Variants in FNBP1 observed in about 807,000 individuals in gnomAD.
FNBP1 encodes the protein formin binding protein 1, also known as formin-binding protein 1.
In FNBP1, 26 loss-of-function variants were observed where a neutral mutation model predicts 90.6. The observed-to-expected ratio is 0.29, with a 90% CI of 0.21 to 0.40. The LOEUF (loss-of-function observed/expected upper bound fraction) is 0.40, where lower values mean the gene tolerates loss of function less well. Among genes scored for constraint, FNBP1 ranks in the 10% least tolerant of loss-of-function variants. FNBP1 has a pLI of 1.00. For synonymous variants in FNBP1, 260 were observed against 265.2 expected, an observed-to-expected ratio of 0.98 and a Z score of 0.19; for missense variants, 635 against 768.0, an observed-to-expected ratio of 0.83 and a Z score of 2.05.
At chr9:129,987,153 G>T (rs576465712) in intron 2 of FNBP1, among the ~76,000 whole-genome samples, 70 of 152,232 alleles carry the variant, frequency 4.6e-4, no homozygotes, top group Non-Finnish European at 8.4e-4. Flanking sequence ...GAGAGAGAAA[G>T]TGTGACCAGA....
chr9:129,948,115 C>G (rs1399470457), intron 6 of FNBP1, among the ~76,000 whole-genome samples: 1 of 151,672 alleles, frequency 6.6e-6, no homozygotes, highest in Admixed American at 6.6e-5. Flanking sequence ...CATAGGGAGA[C>G]CCCGTCTCTA....
intron 11 of FNBP1, among the ~76,000 whole-genome samples, chr9:129,910,830 CACTG>C (rs1439336133): frequency 7.3e-6 from 1 of 136,654 alleles, no homozygotes; most frequent in African/African-American, 2.7e-5. Flanking sequence ...CCATCAGACA[CACTG>C]ACTGACTCTC....
intron 4 of FNBP1, among the ~76,000 whole-genome samples, chr9:129,959,584 G>A (rs1157023954): frequency 1.3e-4 from 19 of 151,830 alleles, no homozygotes; most frequent in South Asian, 2.1e-4. Context: ...AGCAAGACTC[G>A]GTCTCAAAAA....
intron 4 of FNBP1, among the ~76,000 whole-genome samples, chr9:129,959,741 C>A (rs2047511152): frequency 6.6e-6 from 1 of 152,058 alleles, no homozygotes; most frequent in Admixed American, 6.6e-5. Flanking sequence ...CTAAGCAATT[C>A]ACAAAACTGT....
At chr9:129,992,502 C>T (rs2053329937) in intron 2 of FNBP1, among the ~76,000 whole-genome samples, 1 of 151,582 alleles carries the variant, frequency 6.6e-6, no homozygotes, top group Admixed American at 6.6e-5. Context: ...ACCTGTAATC[C>T]CAGCTTGCTG....
rs1445570881 is a variant in FNBP1, at chr9:129,890,567, G to T, written c.1847-21C>A. 2 of 1,566,182 alleles carry T rather than the reference G, an allele frequency of 1.3e-6. No homozygotes were observed. Among genetic ancestry groups the T allele is most frequent in the Non-Finnish European group, 1.7e-6 (2 of 1,155,038 alleles). ...GGAATCTACAACACAAAGAGAAACA[G>T]AAAGAGAAACTCTCTGTTAGAGAGG... On this transcript the variant is annotated intron_variant, in intron 16 of 16. Transcript: ENST00000446176. This position sits in a 1 kb window ranked among gnomAD's most constrained non-coding sequence, Gnocchi z 5.8.
At position 129,915,902 on chromosome 9, in the gene FNBP1, T is replaced by G. The variant is rs2040180533; in HGVS notation, c.1185+64A>C. ...AAGATACGTTGTGCATGGCATAGCA[T>G]TCATAAAAGACACGCCAGAAAACCT... On this transcript the variant is annotated intron_variant, in intron 11 of 16. Transcript: ENST00000446176. 2.5e-6 allele frequency: 3 copies of G among 1,186,982 alleles called. No homozygotes were observed. The Admixed American group carries it at 5.4e-5, about 21-fold the overall frequency. The allele number at this position is 1,186,982 out of a possible 1,614,324, so 73.5% of individuals were successfully genotyped here.
intron 4 of FNBP1, among the ~76,000 whole-genome samples, chr9:129,970,019 G>A (rs2049203565): frequency 6.7e-6 from 1 of 150,062 alleles, no homozygotes; most frequent in Non-Finnish European, 1.5e-5. Flanking sequence ...CTCCTGAGTA[G>A]CTGGGACTAC....
intron 1 of FNBP1, among the ~76,000 whole-genome samples, chr9:130,035,643 C>A (rs989146804): frequency 6.6e-6 from 1 of 152,108 alleles, no homozygotes; most frequent in Non-Finnish European, 1.5e-5. Flanking sequence ...AACAATCATT[C>A]GAGACTTTAA....
intron 4 of FNBP1, among the ~76,000 whole-genome samples, chr9:129,970,368 G>A (rs1476042999): frequency 6.6e-6 from 1 of 151,878 alleles, no homozygotes; most frequent in Non-Finnish European, 1.5e-5. Context: ...ACCAAGCCCA[G>A]CTAATTTTTG....
intron 6 of FNBP1, among the ~76,000 whole-genome samples, chr9:129,950,721 A>G (rs2046025730): frequency 6.6e-6 from 1 of 152,190 alleles, no homozygotes; most frequent in East Asian, 1.9e-4. Flanking sequence ...CATAGATTAA[A>G]GATCCACGAA....
At position 129,887,795 on chromosome 9, in the gene FNBP1, C is replaced by CACA. The variant is rs2034838797; in HGVS notation, c.*2741_*2743dup. The CACA allele has an allele frequency of 4.4e-6, 1 of 229,538 alleles. No homozygotes were observed. Among genetic ancestry groups the CACA allele is most frequent in the African/African-American group, 2.2e-5 (1 of 45,100 alleles). The allele number at this position is 229,538 out of a possible 1,614,324, so 14.2% of individuals were successfully genotyped here. On this transcript the variant is annotated 3_prime_UTR_variant, in exon 17 of 17. Transcript: ENST00000446176. ...TCTTTTAAAATTAGTCATCTTACAA[C>CACA]ACAACAGTATTCTAGCACGGTGGCG...
chr9:129,972,854 T>C, intron 4 of FNBP1, among the ~76,000 whole-genome samples: 1 of 152,176 alleles, frequency 6.6e-6, no homozygotes, highest in East Asian at 1.9e-4. Flanking sequence ...AGCTCTGGGA[T>C]GGAAATGAGA....
chr9:129,892,920 C>G (rs2131165994), intron 16 of FNBP1, among the ~76,000 whole-genome samples: 1 of 149,148 alleles, frequency 6.7e-6, no homozygotes, highest in South Asian at 2.2e-4. Flanking sequence ...CTGAAACCAA[C>G]TGAGCTATTT....
intron 3 of FNBP1, 35 bp from the exon 4 acceptor site, chr9:129,978,647 C>T: frequency 6.2e-7 from 1 of 1,600,814 alleles, no homozygotes; most frequent in South Asian, 1.1e-5. Context: ...CTGTTTCACA[C>T]AAGGCCACAT....
chr9:130,005,045 A>G (rs889474767), intron 1 of FNBP1, among the ~76,000 whole-genome samples: 3 of 133,690 alleles, frequency 2.2e-5, no homozygotes, highest in Non-Finnish European at 3.2e-5. Flanking sequence ...CAGCCTGGTG[A>G]CAGAGCAAGA....
intron 12 of FNBP1, among the ~76,000 whole-genome samples, chr9:129,905,314 T>A (rs915337353): frequency 2.0e-5 from 1 of 48,814 alleles, no homozygotes; most frequent in Non-Finnish European, 4.6e-5. Flanking sequence ...ATATATATAT[T>A]TTGTTAATTA....
intron 1 of FNBP1, among the ~76,000 whole-genome samples, chr9:130,035,828 C>T (rs1045111677): frequency 1.2e-4 from 18 of 152,142 alleles, no homozygotes; most frequent in Admixed American, 7.2e-4. Context: ...CGCCTGTAAT[C>T]CCAGCTACTC....
intron 6 of FNBP1, among the ~76,000 whole-genome samples, chr9:129,941,826 T>C (rs548588682): frequency 6.6e-6 from 1 of 152,076 alleles, no homozygotes. Flanking sequence ...ATCCCAACAC[T>C]TTGGGAGGCT....
Sources: gnomAD v4.1 joint callset for allele counts (sites outside exome capture counted in the v4.1 genomes callset) on GRCh38, gnomAD v4.1.1 for gene constraint, Gnocchi (gnomAD v3.1) non-coding constraint, MANE v1.5 for transcripts, NCBI Gene and HGNC (gene_info 2026-07-23, HGNC 2026-07-21) for gene names.